Variants in TENM3 observed in about 807,000 individuals in gnomAD.
The protein encoded by TENM3 is teneurin-3.
Under a neutral mutation model 255.1 loss-of-function variants are expected in TENM3, and 63 were observed. The ratio of observed to expected loss-of-function variants is 0.25; its 90% CI spans 0.20 to 0.30. TENM3 has a LOEUF of 0.30. Ranked by LOEUF, TENM3 falls within the 10% of genes least tolerant of loss-of-function variation. TENM3 has a pLI of 1.00. For synonymous variants in TENM3, 1,306 were observed against 1,322.3 expected (o/e 0.99, Z 0.27); for missense variants, 2,929 against 3,461.1 (o/e 0.85, Z 3.86).
chr4:182,416,862 G>A (rs1185313653), intron 3 of TENM3, among the ~76,000 whole-genome samples: 1 of 152,184 alleles, frequency 6.6e-6, no homozygotes, highest in Non-Finnish European at 1.5e-5. Context: ...GGCACACGTT[G>A]TCTGCATCAC....
intron 3 of TENM3, among the ~76,000 whole-genome samples, chr4:182,395,094 G>C (rs1768714210): frequency 6.6e-6 from 1 of 152,182 alleles, no homozygotes. Context: ...CACACAGAAT[G>C]CCAAAGATAA....
intron 24 of TENM3, among the ~76,000 whole-genome samples, chr4:182,784,598 G>GGCT (rs902924349): frequency 7.2e-5 from 11 of 151,910 alleles, no homozygotes; most frequent in Non-Finnish European, 1.5e-4. Context: ...CGAGCTCCCC[G>GGCT]GCTGCTTTGT....
chr4:182,659,970 AG>A (rs1380488444), intron 6 of TENM3, among the ~76,000 whole-genome samples: 3 of 152,224 alleles, frequency 2.0e-5, no homozygotes, highest in Non-Finnish European at 4.4e-5. Context: ...TACTTGGGAC[AG>A]GTTATATAGC....
chr4:182,719,219 A>G (rs1236322610), intron 13 of TENM3, among the ~76,000 whole-genome samples: 3 of 145,800 alleles, frequency 2.1e-5, no homozygotes, highest in African/African-American at 7.8e-5. Flanking sequence ...AGAATAATAC[A>G]TATTACCAGT....
the TENM3 span, among the ~76,000 whole-genome samples, chr4:181,632,827 A>C: frequency 2.6e-5 from 4 of 152,216 alleles, no homozygotes; most frequent in Non-Finnish European, 4.4e-5. Flanking sequence ...CATGAGCCAC[A>C]GTGGGCACCC....
chr4:182,089,427 C>A, the TENM3 span, among the ~76,000 whole-genome samples: 1 of 152,122 alleles, frequency 6.6e-6, no homozygotes, highest in Non-Finnish European at 1.5e-5. Context: ...ATGCCCCAAC[C>A]TAAATCTTTA....
chr4:182,466,309 G>A lies in TENM3; in HGVS notation c.511+119380G>A, dbSNP rs909036100. 6.6e-5 allele frequency among the ~76,000 whole-genome samples: 10 copies of A among 152,092 alleles called. No individual in the cohort carries two copies. In the East Asian group the frequency reaches 1.7e-3, roughly 26 times the overall value. On this transcript the variant is annotated intron_variant, in intron 3 of 27. Coordinates refer to ENST00000511685, the MANE Select transcript of TENM3 (RefSeq NM_001080477.4). ...GCCATGCTTCCTCTGAATACTCTAG[G>A]GAAGAATCCTCCCCTGCTTTTTCCA...
the TENM3 span, among the ~76,000 whole-genome samples, chr4:181,864,825 G>A: frequency 6.6e-6 from 1 of 152,156 alleles, no homozygotes; most frequent in Non-Finnish European, 1.5e-5. Context: ...TTAAGTCAGT[G>A]TTTTACAGAG....
rs554741777 is a variant in TENM3, at chr4:182,495,154, C to A, written c.512-105770C>A. Among the ~76,000 whole-genome samples, 4 of 152,304 alleles carry A rather than the reference C, an allele frequency of 2.6e-5. No homozygotes were observed. The South Asian group carries it at 8.3e-4, about 32-fold the overall frequency. On this transcript the variant is annotated intron_variant, in intron 3 of 27. Transcript: ENST00000511685. ...TAAGACAAAAACTTAATGGAAGATG[C>A]TCAGATGCGCGAGCTCTCTGATGAT...
chr4:182,227,637 CTTTTTTT>C (rs531262242), intron 1 of TENM3, among the ~76,000 whole-genome samples: 1 of 127,288 alleles, frequency 7.9e-6, no homozygotes, highest in African/African-American at 2.9e-5. Context: ...ATGTGCAGGG[CTTTTTTT>C]TTTTTTTTTT....
chr4:181,481,585 G>T, the TENM3 span, among the ~76,000 whole-genome samples: 1 of 152,182 alleles, frequency 6.6e-6, no homozygotes, highest in East Asian at 1.9e-4. Context: ...TGCAACTAAG[G>T]CCCAGAGAGG....
intron 3 of TENM3, among the ~76,000 whole-genome samples, chr4:182,433,496 G>A (rs1342999572): frequency 6.6e-6 from 1 of 152,190 alleles, no homozygotes; most frequent in East Asian, 1.9e-4. Context: ...GGAGACAGAA[G>A]AAAGGGAGGA....
chr4:181,994,798 CAG>C, the TENM3 span, among the ~76,000 whole-genome samples: 1 of 152,034 alleles, frequency 6.6e-6, no homozygotes, highest in African/African-American at 2.4e-5. Flanking sequence ...TAACGAAAAA[CAG>C]AGTAAATAAC....
the TENM3 span, among the ~76,000 whole-genome samples, chr4:181,539,273 T>C: frequency 6.6e-6 from 1 of 152,224 alleles, no homozygotes; most frequent in African/African-American, 2.4e-5. Flanking sequence ...TACCCAAAGG[T>C]TCTTCAACTT....
At chr4:181,742,871 C>T in the TENM3 span, among the ~76,000 whole-genome samples, 1 of 147,464 alleles carries the variant, frequency 6.8e-6, no homozygotes, top group African/African-American at 2.5e-5. Flanking sequence ...GTTCCCCTTC[C>T]TGTGTCCATG....
the TENM3 span, among the ~76,000 whole-genome samples, chr4:181,614,357 G>C: frequency 6.6e-6 from 1 of 152,114 alleles, no homozygotes; most frequent in Middle Eastern, 3.4e-3. Flanking sequence ...TTTTTTGTCT[G>C]TTTGTTTTTA....
the TENM3 span, among the ~76,000 whole-genome samples, chr4:182,014,119 C>T: frequency 5.1e-5 from 7 of 137,564 alleles, no homozygotes; most frequent in African/African-American, 1.3e-4. Context: ...CACATATATA[C>T]GTATATATAC....
intron 1 of TENM3, among the ~76,000 whole-genome samples, chr4:182,227,702 T>C (rs548617345): frequency 1.3e-5 from 2 of 151,672 alleles, no homozygotes; most frequent in East Asian, 3.9e-4. Flanking sequence ...TTTCAGTGGC[T>C]TCCGGGCAAA....
the TENM3 span, among the ~76,000 whole-genome samples, chr4:181,892,397 G>A: frequency 9.2e-5 from 14 of 152,240 alleles, no homozygotes; most frequent in South Asian, 1.9e-3. Context: ...CCTAGTTTCT[G>A]AGTGTCACCA....
Sources: gnomAD v4.1 joint callset for allele counts (sites outside exome capture counted in the v4.1 genomes callset) on GRCh38, gnomAD v4.1.1 for gene constraint, MANE v1.5 for transcripts, NCBI Gene and HGNC (gene_info 2026-07-23, HGNC 2026-07-21) for gene names.